LHPP: variants seen among roughly 807,000 people sequenced by gnomAD.
The protein encoded by LHPP is hLHPP.
LHPP carries 24 observed loss-of-function variants against 30.3 expected under a neutral mutation model. That is an observed-to-expected ratio of 0.79 (90% CI 0.57 to 1.11). LHPP has a LOEUF of 1.11. Among genes scored for constraint, LHPP ranks in the 50% most tolerant of loss-of-function variants. LHPP has a pLI of 0.00. For missense variants in LHPP, 356 were observed against 367.2 expected, an observed-to-expected ratio of 0.97 and a Z score of 0.25; for synonymous variants, 150 against 157.1, an observed-to-expected ratio of 0.95 and a Z score of 0.34.
At chr10:124,554,217 G>GA in intron 6 of LHPP, 1 of 302,576 alleles carries the variant, frequency 3.3e-6, no homozygotes. Context: ...ACAGGGTCTT[G>GA]CTCTGTCACC....
chr10:124,492,452 C>T lies in LHPP; in HGVS notation c.467+3877C>T, dbSNP rs148285319. ...CTGGCAGGCTAGGGACTCAGGAATG[C>T]GCGCAGCAGAGTCGTAAGGCTGTGT... On this transcript the variant is annotated intron_variant, in intron 3 of 6. Coordinates refer to ENST00000368842, the MANE Select transcript of LHPP (RefSeq NM_022126.4). Among the ~76,000 whole-genome samples the T allele has an allele frequency of 4.1e-3, 622 of 152,256 alleles. 2 individuals carry two copies. Among genetic ancestry groups the T allele is most frequent in the African/African-American group, 0.014 (588 of 41,542 alleles).
intron 6 of LHPP, among the ~76,000 whole-genome samples, chr10:124,575,704 C>T (rs1474611978): frequency 6.6e-6 from 1 of 152,284 alleles, no homozygotes; most frequent in South Asian, 2.1e-4. Context: ...TTGTCCACTC[C>T]TGCACCAGCT....
Position 124,576,063 on chromosome 10 carries a change from G to T in LHPP, c.717-37201G>T, listed in dbSNP as rs1948655839. ...CCGAAAGAAATGGGGGTTCCCACTG[G>T]ATTGGTCGTTTCTGCATTGTCCGGA... On this transcript the variant is annotated intron_variant, in intron 6 of 6. Coordinates refer to ENST00000368842, the MANE Select transcript of LHPP (RefSeq NM_022126.4). This position sits in a 1 kb window ranked among gnomAD's most constrained non-coding sequence, Gnocchi z 4.2. Among the ~76,000 whole-genome samples, 1 of 152,186 alleles carries T rather than the reference G, an allele frequency of 6.6e-6. No homozygotes were observed. Among genetic ancestry groups the T allele is most frequent in the South Asian group, 2.1e-4 (1 of 4,832 alleles).
intron 6 of LHPP, among the ~76,000 whole-genome samples, chr10:124,574,463 C>G (rs11245298): frequency 2.6e-5 from 4 of 152,150 alleles, no homozygotes; most frequent in Non-Finnish European, 4.4e-5. Context: ...CTCAGTCTGG[C>G]TTTGATCTGC....
intron 6 of LHPP, among the ~76,000 whole-genome samples, chr10:124,524,768 G>A (rs529661990): frequency 6.6e-6 from 1 of 152,254 alleles, no homozygotes; most frequent in African/African-American, 2.4e-5. Context: ...GGAGGTCCAC[G>A]AGGCTGCAGT....
In LHPP at chr10:124,461,888, C is replaced by A. The variant is rs866265109; in HGVS notation, c.26C>A (p.Ala9Asp). Reference sequence around the variant, plus strand: ...ATGGCACCGTGGGGCAAGCGGCTGGCTGGCGTGCGCGGGGTGCTGCTTGAC... The same window carrying A: ...ATGGCACCGTGGGGCAAGCGGCTGGATGGCGTGCGCGGGGTGCTGCTTGAC... MAPWGKRL[A>D]GVRGVLLDIS... Residue 9 changes from alanine to aspartate, a missense_variant, in exon 1 of 7, where the codon GCT becomes GAT. Physicochemically the swap from Ala to Asp is moderately radical, Grantham distance 126. Coordinates refer to ENST00000368842, the MANE Select transcript of LHPP (RefSeq NM_022126.4). 8.0e-7 allele frequency: 1 copy of A among 1,257,472 alleles called. No individual in the cohort carries two copies. Among genetic ancestry groups the A allele is most frequent in the Non-Finnish European group, 1.0e-6 (1 of 997,858 alleles). The allele number at this position is 1,257,472 out of a possible 1,614,324, so 77.9% of individuals were successfully genotyped here.
At chr10:124,469,355 G>A (rs1443405108) in intron 1 of LHPP, among the ~76,000 whole-genome samples, 1 of 152,026 alleles carries the variant, frequency 6.6e-6, no homozygotes, top group Non-Finnish European at 1.5e-5. Context: ...TGGGTCCTCC[G>A]ATTTTATTGA....
intron 6 of LHPP, among the ~76,000 whole-genome samples, chr10:124,583,944 T>C (rs991379958): frequency 2.6e-5 from 4 of 152,226 alleles, no homozygotes; most frequent in African/African-American, 9.6e-5. Flanking sequence ...AATTAGGAAG[T>C]ATGAATCTTC....
Position 124,539,280 on chromosome 10 carries a change from A to G in LHPP, c.716+22009A>G, listed in dbSNP as rs779949179. 2.0e-5 allele frequency among the ~76,000 whole-genome samples: 3 copies of G among 152,324 alleles called. No individual in the cohort carries two copies. In the East Asian group the frequency reaches 5.8e-4, roughly 29 times the overall value. On this transcript the variant is annotated intron_variant, in intron 6 of 6. Coordinates refer to ENST00000368842, the MANE Select transcript of LHPP (RefSeq NM_022126.4). ...CAGCTCCGGAGCCACTCGAGCACCC[A>G]AGGCCACGTCCTGCTCAGGGCACTT...
intron 6 of LHPP, among the ~76,000 whole-genome samples, chr10:124,610,383 A>T (rs1260794178): frequency 2.1e-4 from 31 of 144,308 alleles, no homozygotes; most frequent in African/African-American, 8.1e-4. Flanking sequence ...GGAGCGGGTG[A>T]GGGTGCGGGT....
At chr10:124,545,275 G>C (rs1026079747) in intron 6 of LHPP, among the ~76,000 whole-genome samples, 1 of 152,216 alleles carries the variant, frequency 6.6e-6, no homozygotes, top group African/African-American at 2.4e-5. Context: ...GGAAAGTGGG[G>C]GTGTAGTATT....
rs1031961936 is a variant in LHPP, at chr10:124,478,272, G to A, written c.126-5867G>A. Among the ~76,000 whole-genome samples the A allele has an allele frequency of 2.0e-5, 3 of 152,188 alleles. No individual in the cohort carries two copies. Among genetic ancestry groups the A allele is most frequent in the Non-Finnish European group, 4.4e-5 (3 of 68,020 alleles). On this transcript the variant is annotated intron_variant, in intron 1 of 6. Coordinates refer to ENST00000368842, the MANE Select transcript of LHPP (RefSeq NM_022126.4). This position sits in a 1 kb window ranked among gnomAD's most constrained non-coding sequence, Gnocchi z 4.7. ...GAGGTGTATGAACCCTGCTTTGTAG[G>A]ATGATCAGGGTCAGGCCCCAGGGGA... is the stretch of plus-strand genomic sequence containing the variant.
rs1416846001 is a variant in LHPP at position 124,510,958 on chromosome 10, G to T, written c.625-6222G>T. Among the ~76,000 whole-genome samples the T allele has an allele frequency of 2.6e-5, 4 of 152,222 alleles. No individual in the cohort carries two copies. The highest frequency in any genetic ancestry group is 5.9e-5 in the Non-Finnish European group (4 of 68,040). On this transcript the variant is annotated intron_variant, in intron 5 of 6. Transcript: ENST00000368842. The surrounding 1 kb of genome is among the most constrained non-coding windows in gnomAD (Gnocchi z 4.0). ...TTTCCCAACCCTCAGAGTGCCCCTT[G>T]TGCATGCAGCAGACACTGGTGCTGG... is the stretch of plus-strand genomic sequence containing the variant.
chr10:124,467,001 G>C (rs546311689), intron 1 of LHPP, among the ~76,000 whole-genome samples: 119 of 151,860 alleles, frequency 7.8e-4, no homozygotes, highest in African/African-American at 2.7e-3. Flanking sequence ...GTGCACGCCT[G>C]TAGTCCCAAC....
chr10:124,538,878 C>T (rs1178285331), intron 6 of LHPP, among the ~76,000 whole-genome samples: 3 of 152,220 alleles, frequency 2.0e-5, no homozygotes, highest in Admixed American at 2.0e-4. Context: ...GCTCCTGCAG[C>T]CGTGGCGTGG....
rs866269995 is a variant in LHPP, at chr10:124,548,195, C to G, written c.716+30924C>G. Among the ~76,000 whole-genome samples, 865 of 151,948 alleles carry G rather than the reference C, an allele frequency of 5.7e-3. 6 individuals are homozygous for G. Among genetic ancestry groups the G allele is most frequent in the African/African-American group, 0.019 (793 of 41,448 alleles). ...TGGGGAGACTGCTTCCCTTGGGGCC[C>G]GGCCACTCCAGAGCCATTTCCGTGA... On this transcript the variant is annotated intron_variant, in intron 6 of 6. Coordinates refer to ENST00000368842, the MANE Select transcript of LHPP (RefSeq NM_022126.4).
rs546605288 is a variant in LHPP, at chr10:124,544,105, C to T, written c.716+26834C>T. The stretch of plus-strand genomic sequence containing the variant: ...AGTGGGGTGACCCTGCGAGGCCCCT[C>T]GGATGGCTGATGCTGAGAGCCCAGC... On this transcript the variant is annotated intron_variant, in intron 6 of 6. Coordinates refer to ENST00000368842, the MANE Select transcript of LHPP (RefSeq NM_022126.4). Among the ~76,000 whole-genome samples the T allele has an allele frequency of 2.0e-4, 31 of 152,320 alleles. 1 individual carries two copies. The South Asian group carries it at 6.4e-3, about 32-fold the overall frequency.
At chr10:124,582,544 T>C (rs1948755956) in intron 6 of LHPP, among the ~76,000 whole-genome samples, 1 of 150,068 alleles carries the variant, frequency 6.7e-6, no homozygotes, top group Non-Finnish European at 1.5e-5. Context: ...GCCTATGCAG[T>C]AGAAAATCTG....
rs17620482 is a variant in LHPP at position 124,478,681 on chromosome 10, C to T, written c.126-5458C>T. Reference sequence around the variant, plus strand: ...TGTAAGGGCCGGTTCATCTGATGCACGGTAATTGCCCCGGGCGATGTTGTC... The same window carrying T: ...TGTAAGGGCCGGTTCATCTGATGCATGGTAATTGCCCCGGGCGATGTTGTC... On this transcript the variant is annotated intron_variant, in intron 1 of 6. Transcript: ENST00000368842. The surrounding 1 kb of genome is among the most constrained non-coding windows in gnomAD (Gnocchi z 4.7). Among the ~76,000 whole-genome samples, 3,577 of 152,272 alleles carry T rather than the reference C, an allele frequency of 0.023. 66 individuals carry two copies. Among genetic ancestry groups the T allele is most frequent in the South Asian group, 0.046 (223 of 4,824 alleles).
Sources: allele counts gnomAD v4.1 joint callset (sites outside exome capture counted in the v4.1 genomes callset), GRCh38; gene constraint gnomAD v4.1.1; non-coding constraint Gnocchi (gnomAD v3.1); transcripts MANE v1.5; gene names NCBI Gene and HGNC (gene_info 2026-07-23, HGNC 2026-07-21).